The following STXBP6 variants were observed in gnomAD, a reference collection of about 807,000 sequenced individuals.
STXBP6 encodes the protein syntaxin-binding protein 6.
Under a neutral mutation model 26.9 loss-of-function variants are expected in STXBP6, and 21 were observed. The ratio of observed to expected loss-of-function variants is 0.78; its 90% confidence interval spans 0.55 to 1.12. The LOEUF is 1.12. Among genes scored for constraint, STXBP6 ranks in the 50% most tolerant of loss-of-function variants. The pLI is 0.00. For synonymous variants in STXBP6, 97 were observed against 92.6 expected (o/e 1.05, Z -0.27); for missense variants, 232 against 257.9 (o/e 0.90, Z 0.69).
chr14:24,863,738 A>G (rs2069623744), intron 2 of STXBP6, among the ~76,000 whole-genome samples: 1 of 151,986 alleles, frequency 6.6e-6, no homozygotes, highest in Non-Finnish European at 1.5e-5. Context: ...CAACAACCCA[A>G]AAGGTTTCCC....
At chr14:24,904,762 C>T (rs2071330727) in intron 2 of STXBP6, among the ~76,000 whole-genome samples, 1 of 152,110 alleles carries the variant, frequency 6.6e-6, no homozygotes, top group South Asian at 2.1e-4. Context: ...CCACCAGCAC[C>T]CTGACCTTGG....
chr14:25,004,153 C>G (rs1022354017), intron 1 of STXBP6, among the ~76,000 whole-genome samples: 3 of 152,116 alleles, frequency 2.0e-5, no homozygotes, highest in Non-Finnish European at 4.4e-5. Context: ...GGCAGCTGAT[C>G]CTCAAATTCT....
intron 1 of STXBP6, among the ~76,000 whole-genome samples, chr14:24,980,672 C>T (rs557243807): frequency 8.5e-5 from 13 of 152,236 alleles, no homozygotes; most frequent in Non-Finnish European, 1.8e-4. Flanking sequence ...ATGGGAATAG[C>T]AGACCAAGAA....
intron 2 of STXBP6, among the ~76,000 whole-genome samples, chr14:24,949,885 T>C (rs1184193359): frequency 6.6e-5 from 10 of 152,172 alleles, no homozygotes; most frequent in Non-Finnish European, 1.3e-4. Flanking sequence ...ATAAGGCAAA[T>C]GCCTCACTGT....
intron 1 of STXBP6, among the ~76,000 whole-genome samples, chr14:25,004,868 A>G (rs1282631600): frequency 3.3e-5 from 5 of 152,210 alleles, no homozygotes; most frequent in African/African-American, 1.2e-4. Flanking sequence ...TAACAAGCAC[A>G]CACACAGCCT....
intron 1 of STXBP6, among the ~76,000 whole-genome samples, chr14:25,029,562 ATTG>A (rs1405952166): frequency 2.6e-5 from 4 of 152,116 alleles, no homozygotes; most frequent in African/African-American, 9.7e-5. Context: ...TATTTCCTTT[ATTG>A]TTGTTGTCTG....
intron 2 of STXBP6, among the ~76,000 whole-genome samples, chr14:24,964,809 T>G (rs974059456): frequency 7.2e-5 from 11 of 152,184 alleles, no homozygotes; most frequent in African/African-American, 2.4e-4. Context: ...TGAACTTGAC[T>G]GACCTCAGAG....
At chr14:25,004,623 G>A (rs1287735011) in intron 1 of STXBP6, among the ~76,000 whole-genome samples, 2 of 152,224 alleles carry the variant, frequency 1.3e-5, no homozygotes, top group African/African-American at 4.8e-5. Context: ...AGTCCCACTT[G>A]AGGCAATCTG....
chr14:25,033,485 G>A (rs2075497365), intron 1 of STXBP6, among the ~76,000 whole-genome samples: 1 of 152,142 alleles, frequency 6.6e-6, no homozygotes, highest in Non-Finnish European at 1.5e-5. Context: ...GAACACTGGT[G>A]ACTCTTGAGA....
chr14:24,846,962 T>A (rs1350910184), intron 4 of STXBP6, among the ~76,000 whole-genome samples: 2 of 152,180 alleles, frequency 1.3e-5, no homozygotes, highest in African/African-American at 4.8e-5. Context: ...TATTCCTGTA[T>A]AGTTTCTCAT....
intron 2 of STXBP6, among the ~76,000 whole-genome samples, chr14:24,969,233 GAATGTACTAATCACAAAAATTA>G (rs1247588517): frequency 1.3e-5 from 2 of 152,154 alleles, no homozygotes; most frequent in Non-Finnish European, 2.9e-5. Flanking sequence ...ACATGTAAAA[GAATGTACTAATCACAAAAATTA>G]AAGCTCCCAC....
chr14:24,891,422 GA>G (rs1258824968), intron 2 of STXBP6, among the ~76,000 whole-genome samples: 2 of 152,066 alleles, frequency 1.3e-5, no homozygotes, highest in Non-Finnish European at 2.9e-5. Flanking sequence ...AAAAGACTAA[GA>G]AAATATTATT....
chr14:24,897,046 G>A (rs1347071048), intron 2 of STXBP6, among the ~76,000 whole-genome samples: 1 of 152,124 alleles, frequency 6.6e-6, no homozygotes, highest in Non-Finnish European at 1.5e-5. Flanking sequence ...CTGCAGAAAA[G>A]TAATATCAGA....
chr14:24,981,665 T>C (rs1450566589), intron 1 of STXBP6, among the ~76,000 whole-genome samples: 1 of 152,166 alleles, frequency 6.6e-6, no homozygotes, highest in African/African-American at 2.4e-5. Context: ...CAGAGATTAA[T>C]ATGAGTTGAA....
intron 2 of STXBP6, among the ~76,000 whole-genome samples, chr14:24,862,159 C>G (rs566353165): frequency 2.3e-4 from 35 of 152,154 alleles, no homozygotes; most frequent in South Asian, 6.2e-4. Context: ...TGCCACTACA[C>G]CCAGCTAACT....
rs1344169536 is a variant in STXBP6 at position 24,810,027 on chromosome 14, T to C, written c.*2682A>G. The C allele has an allele frequency of 6.6e-6, 1 of 152,236 alleles. No homozygotes were observed. Among genetic ancestry groups the C allele is most frequent in the Non-Finnish European group, 1.5e-5 (1 of 68,044 alleles). 9.4% of individuals were successfully genotyped at this position (152,236 alleles called of 1,614,324 possible). ...TGTTACATTTTACAAATACATTCTT[T>C]AATATGAAACATTAACCTGAATAAC... is the stretch of plus-strand genomic sequence containing the variant. On this transcript the variant is annotated 3_prime_UTR_variant, in exon 6 of 6. Transcript: ENST00000323944.
Position 24,810,210 on chromosome 14 carries a change from A to T in STXBP6, c.*2499T>A, listed in dbSNP as rs1271548648. ...TATAGTATCCCAAAATTCATAGAGA[A>T]GTGCAGAAATGAAACAAATGAAATG... is the stretch of plus-strand genomic sequence containing the variant. On this transcript the variant is annotated 3_prime_UTR_variant, in exon 6 of 6. Transcript: ENST00000323944. The T allele has an allele frequency of 6.6e-6, 1 of 152,258 alleles. No individual in the cohort carries two copies. The highest frequency in any genetic ancestry group is 2.4e-5 in the African/African-American group (1 of 41,476). 9.4% of individuals were successfully genotyped at this position (152,258 alleles called of 1,614,324 possible).
At position 24,811,683 on chromosome 14, in the gene STXBP6, A is replaced by G. The variant is rs2067828525; in HGVS notation, c.*1026T>C. The G allele has an allele frequency of 6.6e-6, 1 of 152,218 alleles. No homozygotes were observed. Among genetic ancestry groups the G allele is most frequent in the South Asian group, 2.1e-4 (1 of 4,832 alleles). 9.4% of individuals were successfully genotyped at this position (152,218 alleles called of 1,614,324 possible). On this transcript the variant is annotated 3_prime_UTR_variant, in exon 6 of 6. Transcript: ENST00000323944. Reference sequence around the variant, plus strand: ...ATTAAATTACATTAAATAAATAGATAGCAAAAACAACATCAAAACCTCCAA... The same window carrying G: ...ATTAAATTACATTAAATAAATAGATGGCAAAAACAACATCAAAACCTCCAA...
At chr14:24,931,779 G>A (rs1036174722) in intron 2 of STXBP6, among the ~76,000 whole-genome samples, 2 of 152,106 alleles carry the variant, frequency 1.3e-5, no homozygotes, top group African/African-American at 2.4e-5. Flanking sequence ...GAGAAGGAGC[G>A]GCTACTTAGA....
Sources: gnomAD v4.1 joint callset for allele counts (sites outside exome capture counted in the v4.1 genomes callset) on GRCh38, gnomAD v4.1.1 for gene constraint, MANE v1.5 for transcripts, NCBI Gene and HGNC (gene_info 2026-07-23, HGNC 2026-07-21) for gene names.